EBF3: variants seen among roughly 807,000 people sequenced by gnomAD.
The protein encoded by EBF3 is transcription factor COE3.
A neutral mutation model predicts 77.1 loss-of-function variants in EBF3; 18 were observed. The observed-to-expected ratio is 0.23, with a 90% CI of 0.16 to 0.35. The LOEUF (loss-of-function observed/expected upper bound fraction) is 0.35. Among genes scored for constraint, EBF3 ranks in the 10% least tolerant of loss-of-function variants. The probability of loss-of-function intolerance (pLI) is 1.00; values close to 1 mark genes in which losing one functional copy is unlikely to be tolerated. For missense variants in EBF3, 558 were observed against 860.0 expected, an observed-to-expected ratio of 0.65 and a Z score of 4.39; for synonymous variants, 350 against 343.5, an observed-to-expected ratio of 1.02 and a Z score of -0.21.
chr10:129,916,821 G>C (rs1855912106), intron 6 of EBF3, among the ~76,000 whole-genome samples: 1 of 152,218 alleles, frequency 6.6e-6, no homozygotes, highest in Non-Finnish European at 1.5e-5. Flanking sequence ...GCCCAAGGGA[G>C]GCACAGTGAG....
At chr10:129,877,189 T>A (rs1490679825) in intron 7 of EBF3, among the ~76,000 whole-genome samples, 1 of 151,760 alleles carries the variant, frequency 6.6e-6, no homozygotes, top group East Asian at 1.9e-4. Context: ...CCTCAATCAA[T>A]CCCAAAAGAA....
chr10:129,912,316 C>T (rs941448569), intron 6 of EBF3, among the ~76,000 whole-genome samples: 5 of 152,156 alleles, frequency 3.3e-5, no homozygotes, highest in Admixed American at 1.3e-4. Context: ...CCTTACCAGG[C>T]GCTTCACAGC....
At chr10:129,934,729 G>T (rs1404714764) in intron 6 of EBF3, among the ~76,000 whole-genome samples, 1 of 152,116 alleles carries the variant, frequency 6.6e-6, no homozygotes, top group Non-Finnish European at 1.5e-5. Context: ...CTCCATGGGC[G>T]CCAAATTAGC....
chr10:129,876,105 T>C (rs941128069), intron 7 of EBF3, among the ~76,000 whole-genome samples: 1 of 152,078 alleles, frequency 6.6e-6, no homozygotes, highest in African/African-American at 2.4e-5. Context: ...AAGAGTGTAG[T>C]TCAGCAGAGA....
At chr10:129,946,841 T>C (rs535768374) in intron 6 of EBF3, among the ~76,000 whole-genome samples, 1 of 152,358 alleles carries the variant, frequency 6.6e-6, no homozygotes, top group East Asian at 1.9e-4. Context: ...GTAATGATCT[T>C]TGGGGAAAGG....
Position 129,935,414 on chromosome 10 carries a change from T to A in EBF3, c.554+21844A>T, listed in dbSNP as rs1484270420. 2.6e-5 allele frequency among the ~76,000 whole-genome samples: 4 copies of A among 152,146 alleles called. No homozygotes were observed. Among genetic ancestry groups the A allele is most frequent in the Non-Finnish European group, 5.9e-5 (4 of 68,018 alleles). Reference sequence around the variant, plus strand: ...CCAGCAGAAGGACCCAGTGCCATCATTCTGACCTTCCTTCTGTGCTGCAAA... The same window carrying A: ...CCAGCAGAAGGACCCAGTGCCATCAATCTGACCTTCCTTCTGTGCTGCAAA... On this transcript the variant is annotated intron_variant, in intron 6 of 16. Transcript: ENST00000440978. The surrounding 1 kb of genome is among the most constrained non-coding windows in gnomAD (Gnocchi z 4.2).
At chr10:129,893,859 G>A (rs1464720013) in intron 6 of EBF3, among the ~76,000 whole-genome samples, 7 of 152,224 alleles carry the variant, frequency 4.6e-5, no homozygotes, top group African/African-American at 1.7e-4. Flanking sequence ...TACAGGAAGC[G>A]TGCAGGCCTG....
intron 11 of EBF3, among the ~76,000 whole-genome samples, chr10:129,844,418 A>C (rs1442747717): frequency 2.6e-5 from 4 of 152,170 alleles, no homozygotes. Context: ...GCAGATTCAC[A>C]TAAGCAGATT....
chr10:129,850,964 C>T lies in EBF3; in HGVS notation c.1040-2484G>A, dbSNP rs1194689643. Reference sequence around the variant, plus strand: ...GCCCTCCGCACGCAGAGTTTACGGGCGAGAGCCCTGCCGAGCCAGGGCAAG... The same window carrying T: ...GCCCTCCGCACGCAGAGTTTACGGGTGAGAGCCCTGCCGAGCCAGGGCAAG... On this transcript the variant is annotated intron_variant, in intron 10 of 16. Transcript: ENST00000440978. Among the ~76,000 whole-genome samples, 8 of 152,320 alleles carry T rather than the reference C, an allele frequency of 5.3e-5. No individual in the cohort carries two copies. The South Asian group carries it at 1.5e-3, about 28-fold the overall frequency.
At chr10:129,934,278 C>A (rs1320579881) in intron 6 of EBF3, among the ~76,000 whole-genome samples, 1 of 152,108 alleles carries the variant, frequency 6.6e-6, no homozygotes, top group Middle Eastern at 3.4e-3. Context: ...AGCGACATCA[C>A]GCTCCCCAGA....
chr10:129,838,470 A>C (rs1258116695), intron 16 of EBF3, among the ~76,000 whole-genome samples: 11 of 152,158 alleles, frequency 7.2e-5, no homozygotes, highest in Admixed American at 6.5e-4. Context: ...CCGTGCGGTC[A>C]TCTCTCTGTA....
rs747268803 is a variant in EBF3 at position 129,835,305 on chromosome 10, TTTAA to T, written c.*2634_*2637del. On this transcript the variant is annotated 3_prime_UTR_variant, in exon 17 of 17. Coordinates refer to ENST00000440978, the MANE Select transcript of EBF3 (RefSeq NM_001375380.1). Reference sequence around the variant, plus strand: ...AGTGAAATTCACAGACAAGAAATACTTTAATTAAATATTGTGTAAAATGAACATT... The same window carrying T: ...AGTGAAATTCACAGACAAGAAATACTTTAAATATTGTGTAAAATGAACATT... 11 of 152,616 alleles carry T rather than the reference TTTAA, an allele frequency of 7.2e-5. No individual in the cohort carries two copies. The highest frequency in any genetic ancestry group is 2.7e-4 in the African/African-American group (11 of 41,446). 9.5% of individuals were successfully genotyped at this position (152,616 alleles called of 1,614,324 possible). A position where few individuals can be genotyped will look rare whatever the true frequency, so the allele number is the denominator to read the frequency against.
At chr10:129,933,358 G>C (rs1857156147) in intron 6 of EBF3, among the ~76,000 whole-genome samples, 1 of 152,216 alleles carries the variant, frequency 6.6e-6, no homozygotes, top group South Asian at 2.1e-4. Flanking sequence ...AGACGAGCTG[G>C]GACGCCCCGA....
At chr10:129,941,274 G>A (rs988668778) in intron 6 of EBF3, among the ~76,000 whole-genome samples, 1 of 152,210 alleles carries the variant, frequency 6.6e-6, no homozygotes, top group Non-Finnish European at 1.5e-5. Context: ...GGGCAGCAAG[G>A]GGTGTCAGAT....
chr10:129,957,199 G>A, intron 6 of EBF3, 59 bp downstream of exon 6: 1 of 1,498,972 alleles, frequency 6.7e-7, no homozygotes, highest in Non-Finnish European at 9.2e-7. Context: ...AACCAAGCAA[G>A]GCAAAACGTT....
chr10:129,954,470 C>A lies in EBF3; in HGVS notation c.554+2788G>T, dbSNP rs192272772. Among the ~76,000 whole-genome samples, 36 of 141,256 alleles carry A rather than the reference C, an allele frequency of 2.5e-4. No individual in the cohort carries two copies. The East Asian group carries it at 8.3e-3, about 33-fold the overall frequency. 92.7% of individuals were successfully genotyped at this position (141,256 alleles called of 152,430 possible). ...TCATGCCATTCATAAGTATTTAATG[C>A]TTCTGAAAGATAACTGAACTAAATT... On this transcript the variant is annotated intron_variant, in intron 6 of 16. Transcript: ENST00000440978.
At chr10:129,948,407 G>GA (rs1314971098) in intron 6 of EBF3, among the ~76,000 whole-genome samples, 20 of 152,144 alleles carry the variant, frequency 1.3e-4, no homozygotes, top group Non-Finnish European at 2.6e-4. Context: ...AGGAAAGGGG[G>GA]AGGGGTGGCT....
intron 4 of EBF3, 25 bp downstream of exon 4, chr10:129,962,145 TC>T: frequency 2.5e-6 from 4 of 1,613,818 alleles, no homozygotes; most frequent in Non-Finnish European, 3.4e-6. Flanking sequence ...CAGTGAAAAC[TC>T]GTGCAGAGGC....
At chr10:129,874,802 A>G (rs1852639256) in intron 7 of EBF3, among the ~76,000 whole-genome samples, 2 of 152,154 alleles carry the variant, frequency 1.3e-5, no homozygotes, top group African/African-American at 4.8e-5. Context: ...CAGACAAAGC[A>G]CGCCATGCAA....
Sources: gnomAD v4.1 joint callset for allele counts (sites outside exome capture counted in the v4.1 genomes callset) on GRCh38, gnomAD v4.1.1 for gene constraint, Gnocchi (gnomAD v3.1) non-coding constraint, MANE v1.5 for transcripts, NCBI Gene and HGNC (gene_info 2026-07-23, HGNC 2026-07-21) for gene names.